LRRC56: variants seen among roughly 807,000 people sequenced by gnomAD.
The protein encoded by LRRC56 is leucine-rich repeat-containing protein 56.
In LRRC56, 41 loss-of-function variants were observed where a neutral mutation model predicts 47.8. The observed-to-expected ratio is 0.86, with a 90% CI of 0.67 to 1.11. The LOEUF is 1.11. Ranked by LOEUF, LRRC56 falls within the 50% of genes most tolerant of loss-of-function variation. LRRC56 has a pLI of 0.00. For missense variants in LRRC56, 759 were observed against 704.2 expected, an observed-to-expected ratio of 1.08 and a Z score of -0.88; for synonymous variants, 387 against 311.2, an observed-to-expected ratio of 1.24 and a Z score of -2.56.
At chr11:521,703 A>G in the LRRC56 span, among the ~76,000 whole-genome samples, 2 of 152,210 alleles carry the variant, frequency 1.3e-5, no homozygotes, top group Non-Finnish European at 2.9e-5. Flanking sequence ...TCACGAGGTC[A>G]GGAGATCGAG....
the LRRC56 span, among the ~76,000 whole-genome samples, chr11:530,485 T>C: frequency 7.3e-6 from 1 of 136,226 alleles, no homozygotes; most frequent in Non-Finnish European, 1.6e-5. Flanking sequence ...GAGTGTGGCG[T>C]CCCCTGGAGA....
At chr11:512,375 A>C in the LRRC56 span, among the ~76,000 whole-genome samples, 1 of 152,128 alleles carries the variant, frequency 6.6e-6, no homozygotes, top group African/African-American at 2.4e-5. Flanking sequence ...CTGGGATCAC[A>C]GGTGCCCGCC....
upstream of LRRC56, chr11:532,696 C>T (rs397517143): frequency 1.5e-5 from 25 of 1,613,124 alleles, no homozygotes; most frequent in East Asian, 3.8e-4. Context: ...GAGGGTTCAG[C>T]TTCCGCAGCT....
the LRRC56 span, among the ~76,000 whole-genome samples, chr11:521,637 C>T: frequency 1.2e-4 from 18 of 152,202 alleles, 1 homozygote; most frequent in South Asian, 1.0e-3. Context: ...AATTACAGCC[C>T]GGTGAGGTGG....
chr11:518,838 C>A, the LRRC56 span, among the ~76,000 whole-genome samples: 1 of 151,996 alleles, frequency 6.6e-6, no homozygotes, highest in Admixed American at 6.6e-5. Flanking sequence ...GAAGGAGCCG[C>A]CCCGAACGCG....
chr11:529,544 C>T, the LRRC56 span: 1 of 152,268 alleles, frequency 6.6e-6, no homozygotes, highest in Admixed American at 6.5e-5. Flanking sequence ...AGGAGTCCCT[C>T]TTGTGGGTCA....
At chr11:513,097 G>A in the LRRC56 span, among the ~76,000 whole-genome samples, 1 of 152,228 alleles carries the variant, frequency 6.6e-6, no homozygotes, top group African/African-American at 2.4e-5. Context: ...CACCCCGCCT[G>A]CAGGGGCCGT....
chr11:529,522 C>G, the LRRC56 span: 2 of 152,276 alleles, frequency 1.3e-5, no homozygotes, highest in Admixed American at 6.5e-5. Context: ...GGAGGGATGC[C>G]TGGTGGGCAG....
chr11:519,054 T>G, the LRRC56 span, among the ~76,000 whole-genome samples: 3 of 150,400 alleles, frequency 2.0e-5, no homozygotes, highest in South Asian at 6.2e-4. Context: ...CTCCCGTGTG[T>G]CCGCTGTGCA....
chr11:532,811 G>A (rs1444837904), upstream of LRRC56: 1 of 1,559,848 alleles, frequency 6.4e-7, no homozygotes, highest in Non-Finnish European at 8.8e-7. Flanking sequence ...CTGCCTGGGT[G>A]AGGGGCTCCC....
chr11:551,574 C>G (rs1034575630), intron 9 of LRRC56, 77 bp from the exon 10 acceptor site: 8 of 1,469,440 alleles, frequency 5.4e-6, no homozygotes, highest in Non-Finnish European at 7.3e-6. Flanking sequence ...GGGATTGGGG[C>G]CCCTGGTCTG....
upstream of LRRC56, chr11:533,577 A>G: frequency 6.8e-6 from 11 of 1,613,832 alleles, no homozygotes; most frequent in Non-Finnish European, 9.3e-6. Flanking sequence ...CACCATGGGC[A>G]CGTCATCCGA....
upstream of LRRC56, chr11:534,222 G>A (rs2133994210): frequency 1.2e-6 from 2 of 1,611,924 alleles, no homozygotes; most frequent in Non-Finnish European, 8.5e-7. Flanking sequence ...CTCTATAGTG[G>A]GGTCGTATTC....
At chr11:511,118 G>T in the LRRC56 span, among the ~76,000 whole-genome samples, 1 of 151,778 alleles carries the variant, frequency 6.6e-6, no homozygotes, top group Non-Finnish European at 1.5e-5. Flanking sequence ...TCAGGAGATC[G>T]AGACCATCCT....
intron 6 of LRRC56, among the ~76,000 whole-genome samples, chr11:546,547 G>A (rs187690510): frequency 1.9e-3 from 279 of 149,728 alleles, no homozygotes; most frequent in Non-Finnish European, 3.5e-3. Flanking sequence ...CAGCCTGGGC[G>A]ACTGAGTGAG....
Position 549,962 on chromosome 11 carries a change from T to C in LRRC56, c.387T>C (p.Ala129=). 6.2e-7 allele frequency: 1 copy of C among 1,612,782 alleles called. No individual in the cohort carries two copies. ...TGTGGCTGGCTCGCTGTGGCCTCGCTGACCTGGATGGCATCGCCTCTTTGC... is the reference window on the plus strand; with the variant it reads ...TGTGGCTGGCTCGCTGTGGCCTCGCCGACCTGGATGGCATCGCCTCTTTGC... ...QVLWLARCGL[A]DLDGIASLPA... is the part of the protein sequence containing the mutation. Residue 129 remains alanine (A), a synonymous_variant, in exon 7 of 14, where the codon GCT becomes GCC. Coordinates refer to ENST00000270115, the MANE Select transcript of LRRC56 (RefSeq NM_198075.4).
the LRRC56 span, among the ~76,000 whole-genome samples, chr11:509,100 A>C: frequency 6.6e-6 from 1 of 152,052 alleles, no homozygotes; most frequent in East Asian, 1.9e-4. Flanking sequence ...ACACACACAC[A>C]CACACCCCCA....
intron 5 of LRRC56, among the ~76,000 whole-genome samples, chr11:543,612 T>C (rs1390749198): frequency 1.3e-5 from 2 of 152,218 alleles, no homozygotes; most frequent in African/African-American, 4.8e-5. Flanking sequence ...CCCATCTTGA[T>C]TGGTCTTGTA....
At position 554,823 on chromosome 11, in the gene LRRC56, C is replaced by G. The variant is rs1230568681; in HGVS notation, c.*547C>G. The G allele has an allele frequency of 1.7e-6, 1 of 582,864 alleles. No homozygotes were observed. The highest frequency in any genetic ancestry group is 2.8e-6 in the Non-Finnish European group (1 of 353,476). 36.1% of individuals were successfully genotyped at this position (582,864 alleles called of 1,614,324 possible). A position where few individuals can be genotyped will look rare whatever the true frequency, so the allele number is the denominator to read the frequency against. On this transcript the variant is annotated 3_prime_UTR_variant, in exon 14 of 14. Transcript: ENST00000270115. ...TCCCTCCTCTTGGCGCAGGACGCCCCGGAACCCAAACCAACATTTCCAGCT... is the reference window on the plus strand; with the variant it reads ...TCCCTCCTCTTGGCGCAGGACGCCCGGGAACCCAAACCAACATTTCCAGCT...
Sources: allele counts gnomAD v4.1 joint callset (sites outside exome capture counted in the v4.1 genomes callset), GRCh38; gene constraint gnomAD v4.1.1; transcripts MANE v1.5; gene names NCBI Gene and HGNC (gene_info 2026-07-23, HGNC 2026-07-21).